The following ARHGAP29 variants were observed in gnomAD, a reference collection of about 807,000 sequenced individuals.
ARHGAP29 encodes the protein Rho GTPase activating protein 29.
ARHGAP29 carries 43 observed loss-of-function variants against 122.6 expected under a neutral mutation model. The observed-to-expected ratio is 0.35, with a 90% CI of 0.27 to 0.45. The LOEUF is 0.45. ARHGAP29 is among the 20% of genes least tolerant of loss of function. The pLI is 1.00. For synonymous variants in ARHGAP29, 506 were observed against 497.1 expected (o/e 1.02, Z -0.24); for missense variants, 1,303 against 1,477.2 (o/e 0.88, Z 1.93).
rs1648848539 is a variant in ARHGAP29, at chr1:94,173,094, G to GA, written c.*774dup. 1 of 152,452 alleles carries GA rather than the reference G, an allele frequency of 6.6e-6. No homozygotes were observed. 9.4% of individuals were successfully genotyped at this position (152,452 alleles called of 1,614,324 possible). On this transcript the variant is annotated 3_prime_UTR_variant, in exon 23 of 23. Coordinates refer to ENST00000260526, the MANE Select transcript of ARHGAP29 (RefSeq NM_004815.4). ...AAATACTAAAAAGTTCAGAACTGCT[G>GA]AAAAACAAAAGTTTATATAAAATAA...
chr1:94,289,971 G>T, the ARHGAP29 span, among the ~76,000 whole-genome samples: 216 of 152,274 alleles, frequency 1.4e-3, no homozygotes, highest in African/African-American at 4.9e-3. Context: ...TTGTGTCTCT[G>T]CCAGGCTTTG....
intron 1 of ARHGAP29, among the ~76,000 whole-genome samples, chr1:94,246,948 G>C (rs1051915679): frequency 2.6e-5 from 4 of 152,098 alleles, no homozygotes; most frequent in African/African-American, 9.7e-5. Context: ...GGGAGGGAAC[G>C]ACAGAGACGC....
the ARHGAP29 span, among the ~76,000 whole-genome samples, chr1:94,294,265 T>C: frequency 6.7e-6 from 1 of 148,896 alleles, no homozygotes; most frequent in East Asian, 1.9e-4. Context: ...TACATACATG[T>C]GCACACACAC....
At chr1:94,305,106 T>A in the ARHGAP29 span, among the ~76,000 whole-genome samples, 3 of 152,242 alleles carry the variant, frequency 2.0e-5, 1 homozygote, top group Non-Finnish European at 4.4e-5. Flanking sequence ...GTCTCTACAT[T>A]GGTACTGAAA....
intron 1 of ARHGAP29, among the ~76,000 whole-genome samples, chr1:94,243,850 A>G (rs1422823886): frequency 1.3e-5 from 2 of 151,632 alleles, no homozygotes; most frequent in Non-Finnish European, 3.0e-5. Flanking sequence ...CGACATCAGT[A>G]CAGACCCTAC....
chr1:94,304,605 G>A, the ARHGAP29 span, among the ~76,000 whole-genome samples: 4 of 152,216 alleles, frequency 2.6e-5, no homozygotes, highest in Non-Finnish European at 4.4e-5. Context: ...CGCTGTTCAT[G>A]TCTTAGCTTC....
At chr1:94,240,833 C>T (rs183444880), upstream of ARHGAP29, among the ~76,000 whole-genome samples, 1 of 152,324 alleles carries the variant, frequency 6.6e-6, no homozygotes, top group African/African-American at 2.4e-5. Flanking sequence ...TACCAGACTG[C>T]ACAGATTAGT....
At chr1:94,286,841 T>C in the ARHGAP29 span, among the ~76,000 whole-genome samples, 2 of 152,166 alleles carry the variant, frequency 1.3e-5, no homozygotes, top group Non-Finnish European at 2.9e-5. Context: ...GAAAGTGGAA[T>C]ATGGTATGGT....
At chr1:94,253,664 G>GCACGCACA (rs1654211114) in intron 1 of ARHGAP29, among the ~76,000 whole-genome samples, 6 of 151,866 alleles carry the variant, frequency 4.0e-5, no homozygotes, top group Middle Eastern at 3.2e-3. Context: ...ACGCACGCAC[G>GCACGCACA]CACGCACATG....
At chr1:94,280,915 C>T in the ARHGAP29 span, among the ~76,000 whole-genome samples, 2 of 152,186 alleles carry the variant, frequency 1.3e-5, no homozygotes, top group Non-Finnish European at 2.9e-5. Flanking sequence ...GTGGGATAAG[C>T]AGAGAAGACT....
At chr1:94,292,515 C>T in the ARHGAP29 span, among the ~76,000 whole-genome samples, 1 of 152,174 alleles carries the variant, frequency 6.6e-6, no homozygotes, top group African/African-American at 2.4e-5. Context: ...GAGTTGTGTT[C>T]CTTTGGAGGA....
At chr1:94,239,945 T>C (rs1365723324), upstream of ARHGAP29, among the ~76,000 whole-genome samples, 2 of 152,102 alleles carry the variant, frequency 1.3e-5, no homozygotes, top group African/African-American at 4.8e-5. Context: ...CAAACCCCAC[T>C]GGAGAATGAT....
At chr1:94,260,451 CCT>C (rs1654517012) in intron 1 of ARHGAP29, among the ~76,000 whole-genome samples, 1 of 152,200 alleles carries the variant, frequency 6.6e-6, no homozygotes, top group South Asian at 2.1e-4. Context: ...TATATCCCAT[CCT>C]CAGCTGATTC....
chr1:94,217,230 C>G (rs1652004049), intron 3 of ARHGAP29, among the ~76,000 whole-genome samples: 1 of 152,004 alleles, frequency 6.6e-6, no homozygotes, highest in Non-Finnish European at 1.5e-5. Context: ...TAAACATAGT[C>G]AGAGTTAAAA....
chr1:94,185,204 T>C (rs1649720054), intron 17 of ARHGAP29, 138 bp downstream of exon 17: 2 of 1,202,858 alleles, frequency 1.7e-6, no homozygotes, highest in South Asian at 1.8e-5. Flanking sequence ...CAAAATAAAA[T>C]ATAAAATTAT....
rs1405076577 is a variant in ARHGAP29 at position 94,178,195 on chromosome 1, T to C, written c.2481-28A>G. The stretch of plus-strand genomic sequence containing the variant: ...GCAAAGTAGAACACATAAAGTTGTA[T>C]GAGATTTTCCTATTAGAGTTCCTTG... On this transcript the variant is annotated intron_variant, in intron 20 of 22. Coordinates refer to ENST00000260526, the MANE Select transcript of ARHGAP29 (RefSeq NM_004815.4). The C allele has an allele frequency of 3.8e-6, 6 of 1,580,486 alleles. No individual in the cohort carries two copies. In the East Asian group the frequency reaches 6.7e-5, roughly 18 times the overall value.
At chr1:94,284,805 T>C in the ARHGAP29 span, among the ~76,000 whole-genome samples, 1 of 151,948 alleles carries the variant, frequency 6.6e-6, no homozygotes, top group East Asian at 1.9e-4. Flanking sequence ...AAAACCTAAG[T>C]TTCTTTGATT....
chr1:94,198,626 A>T (rs1047331785), intron 12 of ARHGAP29, among the ~76,000 whole-genome samples: 1 of 152,160 alleles, frequency 6.6e-6, no homozygotes, highest in African/African-American at 2.4e-5. Context: ...ATCTAACACA[A>T]CTTATTAAAG....
chr1:94,174,347 T>C lies in ARHGAP29; in HGVS notation c.3308A>G (p.Gln1103Arg). Residue 1103 changes from glutamine (Q) to arginine (R), a missense_variant, in exon 23 of 23, where the codon CAG becomes CGG. By Grantham distance (43) the Gln-to-Arg change is conservative. Coordinates refer to ENST00000260526, the MANE Select transcript of ARHGAP29 (RefSeq NM_004815.4). ...GAGGCTTGTTGTCACTCCTTTTTCC[T>C]GGAGTGCACTGGGCATGATCATTGT... ...KTTMIMPSAL[Q>R]EKGVTTSLQI... The C allele has an allele frequency of 6.2e-7, 1 of 1,614,206 alleles. No individual in the cohort carries two copies. The highest frequency in any genetic ancestry group is 8.5e-7 in the Non-Finnish European group (1 of 1,180,036).
Sources: gnomAD v4.1 joint callset for allele counts (sites outside exome capture counted in the v4.1 genomes callset) on GRCh38, gnomAD v4.1.1 for gene constraint, MANE v1.5 for transcripts, NCBI Gene and HGNC (gene_info 2026-07-23, HGNC 2026-07-21) for gene names.